The following EVPLL variants were observed in gnomAD, a reference collection of about 807,000 sequenced individuals.
EVPLL encodes envoplakin-like protein.
Under a neutral mutation model 46.2 loss-of-function variants are expected in EVPLL, and 39 were observed. The ratio of observed to expected loss-of-function variants is 0.84; its 90% confidence interval spans 0.65 to 1.10. The LOEUF is 1.10. Ranked by LOEUF, EVPLL falls within the 50% of genes least tolerant of loss-of-function variation. The pLI, the probability that EVPLL is intolerant of heterozygous loss-of-function variation, is 0.00. For missense variants in EVPLL, 385 were observed against 412.6 expected (o/e 0.93, Z 0.58); for synonymous variants, 156 against 165.8 (o/e 0.94, Z 0.46).
rs964983810 is a variant in EVPLL, at chr17:18,389,254, C to T, written c.*438C>T. On this transcript the variant is annotated 3_prime_UTR_variant, in exon 11 of 11. Coordinates refer to ENST00000399134, the MANE Select transcript of EVPLL (RefSeq NM_001145127.2). The stretch of plus-strand genomic sequence containing the variant: ...CTCTTTTATTTACCAGAGCCACAGC[C>T]CTGCTGCCTCAGGACCTTTTCATTC... 2 of 146,914 alleles carry T rather than the reference C, an allele frequency of 1.4e-5. No homozygotes were observed. Among genetic ancestry groups the T allele is most frequent in the African/African-American group, 5.1e-5 (2 of 39,214 alleles). The allele number at this position is 146,914 out of a possible 1,614,324, so 9.1% of individuals were successfully genotyped here. A position where few individuals can be genotyped will look rare whatever the true frequency, so the allele number is the denominator to read the frequency against.
intron 1 of EVPLL, among the ~76,000 whole-genome samples, chr17:18,379,437 C>T (rs1420929440): frequency 5.3e-5 from 8 of 152,214 alleles, no homozygotes; most frequent in Non-Finnish European, 1.2e-4. Context: ...ACCTGTCCTC[C>T]CTGGGGCACC....
At position 18,377,820 on chromosome 17, in the gene EVPLL, C is replaced by T. The variant is rs1987430215; in HGVS notation, c.-200C>T. 1 of 646,614 alleles carries T rather than the reference C, an allele frequency of 1.5e-6. No individual in the cohort carries two copies. The highest frequency in any genetic ancestry group is 3.0e-5 in the Admixed American group (1 of 33,072). The allele number at this position is 646,614 out of a possible 1,614,324, so 40.1% of individuals were successfully genotyped here. ...AGCCAGCAAGGACGCCCGCTGCCTC[C>T]CACCTGCCCTCCTGCCCTCCTTCAC... On this transcript the variant is annotated 5_prime_UTR_variant, in exon 1 of 11. Coordinates refer to ENST00000399134, the MANE Select transcript of EVPLL (RefSeq NM_001145127.2).
At chr17:18,387,296 T>C (rs1598100770) in intron 9 of EVPLL, among the ~76,000 whole-genome samples, 2 of 152,200 alleles carry the variant, frequency 1.3e-5, no homozygotes, top group Admixed American at 1.3e-4. Flanking sequence ...CTGTCCATTT[T>C]ATCCATATAT....
At chr17:18,383,768 T>C in intron 9 of EVPLL, 181 bp downstream of exon 9, 1 of 605,888 alleles carries the variant, frequency 1.7e-6, no homozygotes. Flanking sequence ...AGGTCAGGAG[T>C]TCGAGATCAG....
intron 9 of EVPLL, among the ~76,000 whole-genome samples, chr17:18,387,196 G>A (rs2151632595): frequency 6.6e-6 from 1 of 151,170 alleles, no homozygotes; most frequent in Admixed American, 6.6e-5. Context: ...ACCGCGCCTG[G>A]CCTGGTCAGT....
chr17:18,381,767 G>A lies in EVPLL; in HGVS notation c.346+37G>A, dbSNP rs919957765. The A allele has an allele frequency of 1.2e-5, 19 of 1,613,648 alleles. No individual in the cohort carries two copies. Among genetic ancestry groups the A allele is most frequent in the Non-Finnish European group, 1.5e-5 (18 of 1,179,964 alleles). On this transcript the variant is annotated intron_variant, in intron 4 of 10. Transcript: ENST00000399134. This position sits in a 1 kb window ranked among gnomAD's most constrained non-coding sequence, Gnocchi z 4.2. The stretch of plus-strand genomic sequence containing the variant: ...AAAGTCACACCCCAGTGTGATCAGA[G>A]GGTGATACGGAACTGCATTTAACCC...
chr17:18,385,925 A>G (rs968555645), intron 9 of EVPLL, among the ~76,000 whole-genome samples: 2 of 152,078 alleles, frequency 1.3e-5, no homozygotes, highest in African/African-American at 4.8e-5. Flanking sequence ...CCAGCAAAAG[A>G]TCCCATAGTG....
At chr17:18,388,417 G>T in intron 10 of EVPLL, 129 bp downstream of exon 10, 1 of 612,702 alleles carries the variant, frequency 1.6e-6, no homozygotes, top group Non-Finnish European at 2.9e-6. Flanking sequence ...CTGTGTCTCT[G>T]GATCTGGCCT....
chr17:18,388,583 C>A, intron 10 of EVPLL: 1 of 194,684 alleles, frequency 5.1e-6, no homozygotes, highest in Non-Finnish European at 1.1e-5. Flanking sequence ...GCCCAGAGGA[C>A]CTTGTGGCAC....
At position 18,388,297 on chromosome 17, in the gene EVPLL, T is replaced by C; in HGVS notation, c.*40+9T>C. ...TGGAGTAAGGGTAGCAGGTGAGAAATGAAGTACCAAGAAACTAGCAAAGGG... is the reference window on the plus strand; with the variant it reads ...TGGAGTAAGGGTAGCAGGTGAGAAACGAAGTACCAAGAAACTAGCAAAGGG... On this transcript the variant is annotated intron_variant, in intron 10 of 10. Coordinates refer to ENST00000399134, the MANE Select transcript of EVPLL (RefSeq NM_001145127.2). 7.5e-7 allele frequency: 1 copy of C among 1,332,438 alleles called. No individual in the cohort carries two copies. 82.5% of individuals were successfully genotyped at this position (1,332,438 alleles called of 1,614,324 possible). A position where few individuals can be genotyped will look rare whatever the true frequency, so the allele number is the denominator to read the frequency against.
chr17:18,381,497 C>T lies in EVPLL; in HGVS notation c.194C>T (p.Pro65Leu), dbSNP rs777436154. 1.6e-5 allele frequency: 26 copies of T among 1,613,738 alleles called. No individual in the cohort carries two copies. Among genetic ancestry groups the T allele is most frequent in the East Asian group, 2.2e-5 (1 of 44,882 alleles). Residue 65 changes from proline to leucine, a missense_variant, in exon 3 of 11, where the codon CCG becomes CTG. Transcript: ENST00000399134. The surrounding 1 kb of genome is among the most constrained non-coding windows in gnomAD (Gnocchi z 4.2). ...DVDKARRLKHPQAEETEKDIE... is the reference protein window; with the variant it reads ...DVDKARRLKHLQAEETEKDIE... ...GACAAGGCCCGGCGGCTCAAGCACCCGCAGGCTGAGGAGACTGAGAAGGAG... is the reference window on the plus strand; with the variant it reads ...GACAAGGCCCGGCGGCTCAAGCACCTGCAGGCTGAGGAGACTGAGAAGGAG...
intron 10 of EVPLL, 142 bp downstream of exon 10, chr17:18,388,430 A>G (rs1987847333): frequency 1.7e-6 from 1 of 589,194 alleles, no homozygotes. Context: ...TCTGGCCTCC[A>G]TGGGAAGGAC....
At chr17:18,378,781 TTA>T (rs1491565734) in intron 1 of EVPLL, among the ~76,000 whole-genome samples, 1 of 143,544 alleles carries the variant, frequency 7.0e-6, no homozygotes, top group Admixed American at 7.0e-5. Flanking sequence ...GACTCTGTCT[TTA>T]AAAAAAAAAA....
chr17:18,382,826 GA>G lies in EVPLL; in HGVS notation c.474del (p.Cys159AlafsTer36). ...RRAAAEPGGA[G>X]CRHHPEPIPR... ...TTGTTTCTCCCCTTGGTCAAGGCAG[GA>G]TGCCGCCACCATCCGGAGCCAATAC... On this transcript the variant is annotated frameshift_variant and splice_region_variant, in exon 6 of 11. Transcript: ENST00000399134. LOFTEE classifies it high-confidence loss of function. The G allele has an allele frequency of 6.2e-7, 1 of 1,613,302 alleles. No individual in the cohort carries two copies. Among genetic ancestry groups the G allele is most frequent in the Non-Finnish European group, 8.5e-7 (1 of 1,179,718 alleles).
At chr17:18,386,537 A>G (rs554019902) in intron 9 of EVPLL, 4 of 152,276 alleles carry the variant, frequency 2.6e-5, no homozygotes, top group African/African-American at 4.8e-5. Context: ...CACACGGCCA[A>G]TGGTGAAATC....
rs1212971775 is a variant in EVPLL at position 18,382,652 on chromosome 17, G to C, written c.472+14G>C. On this transcript the variant is annotated intron_variant, in intron 5 of 10. Transcript: ENST00000399134. ...CTGGTGGGGCCGGTGGGTGAGCCGG[G>C]AAGATGTTACATCCGGGGCCAGCCC... is the stretch of plus-strand genomic sequence containing the variant. 3.2e-6 allele frequency: 5 copies of C among 1,551,080 alleles called. No individual in the cohort carries two copies. In the South Asian group the frequency reaches 3.6e-5, roughly 11 times the overall value.
In EVPLL at chr17:18,381,162, G is replaced by T. The variant is rs148487221; in HGVS notation, c.63+162G>T. The stretch of plus-strand genomic sequence containing the variant: ...TCCCCTAACACACGGTGGGAGAGAG[G>T]GCTCAACTTCCTTCTTTGCTGGGCT... On this transcript the variant is annotated intron_variant, in intron 2 of 10. Coordinates refer to ENST00000399134, the MANE Select transcript of EVPLL (RefSeq NM_001145127.2). The surrounding 1 kb of genome is among the most constrained non-coding windows in gnomAD (Gnocchi z 4.2). 4 of 1,188,002 alleles carry T rather than the reference G, an allele frequency of 3.4e-6. No individual in the cohort carries two copies. The highest frequency in any genetic ancestry group is 4.7e-6 in the Non-Finnish European group (4 of 850,708). The allele number at this position is 1,188,002 out of a possible 1,614,324, so 73.6% of individuals were successfully genotyped here. A position where few individuals can be genotyped will look rare whatever the true frequency, so the allele number is the denominator to read the frequency against.
intron 1 of EVPLL, 79 bp downstream of exon 1, chr17:18,378,062 G>A (rs548245833): frequency 1.8e-5 from 8 of 452,826 alleles, no homozygotes; most frequent in African/African-American, 1.1e-4. Flanking sequence ...GCCACCTGGC[G>A]GCGGCCCAGA....
rs1847214564 is a variant in EVPLL at position 18,387,957 on chromosome 17, T to C, written c.877-262T>C. On this transcript the variant is annotated intron_variant, in intron 9 of 10. Transcript: ENST00000399134. Reference sequence around the variant, plus strand: ...TGAGCCTGGGAAGTCAAGGCTGTAGTGAGCTGTTTTGGGCCACTGCACTTC... The same window carrying C: ...TGAGCCTGGGAAGTCAAGGCTGTAGCGAGCTGTTTTGGGCCACTGCACTTC... 2.8e-5 allele frequency: 3 copies of C among 106,782 alleles called. No homozygotes were observed. In the South Asian group the frequency reaches 8.5e-4, roughly 30 times the overall value. 6.6% of individuals were successfully genotyped at this position (106,782 alleles called of 1,614,324 possible). A position where few individuals can be genotyped will look rare whatever the true frequency, so the allele number is the denominator to read the frequency against.
Sources: gnomAD v4.1 joint callset for allele counts (sites outside exome capture counted in the v4.1 genomes callset) on GRCh38, gnomAD v4.1.1 for gene constraint, Gnocchi (gnomAD v3.1) non-coding constraint, MANE v1.5 for transcripts, NCBI Gene and HGNC (gene_info 2026-07-23, HGNC 2026-07-21) for gene names.